The following TANC2 variants were observed in gnomAD, a reference collection of about 807,000 sequenced individuals.
TANC2 encodes the protein tetratricopeptide repeat, ankyrin repeat and coiled-coil containing 2.
TANC2 carries 26 observed loss-of-function variants against 210.5 expected under a neutral mutation model. The ratio of observed to expected loss-of-function variants is 0.12; its 90% CI spans 0.09 to 0.17. TANC2 has a LOEUF of 0.17. TANC2 is among the 10% of genes least tolerant of loss of function. The probability of loss-of-function intolerance (pLI) is 1.00; values close to 1 mark genes in which losing one functional copy is unlikely to be tolerated. For missense variants in TANC2, 2,129 were observed against 2,608.9 expected, an observed-to-expected ratio of 0.82 and a Z score of 4.01; for synonymous variants, 931 against 967.1, an observed-to-expected ratio of 0.96 and a Z score of 0.69.
chr17:63,318,673 G>A (rs374619082), intron 10 of TANC2, among the ~76,000 whole-genome samples: 3 of 151,958 alleles, frequency 2.0e-5, no homozygotes, highest in African/African-American at 4.8e-5. Flanking sequence ...AGCATGTATC[G>A]GTATCTCATT....
intron 1 of TANC2, among the ~76,000 whole-genome samples, chr17:62,971,337 T>C (rs1464103578): frequency 6.6e-6 from 1 of 152,138 alleles, no homozygotes; most frequent in Admixed American, 6.5e-5. Context: ...TTCCCTTTCT[T>C]TTCTCTTTTC....
At chr17:63,093,684 T>G (rs2037284748) in intron 3 of TANC2, among the ~76,000 whole-genome samples, 1 of 152,200 alleles carries the variant, frequency 6.6e-6, no homozygotes, top group Non-Finnish European at 1.5e-5. Context: ...TGGGATTGCT[T>G]CAAACCTGTA....
intron 14 of TANC2, among the ~76,000 whole-genome samples, chr17:63,356,623 A>G (rs1323220569): frequency 1.3e-5 from 2 of 152,188 alleles, no homozygotes; most frequent in Non-Finnish European, 2.9e-5. Flanking sequence ...ACTTTGTAGC[A>G]TTTTCTCTGA....
In TANC2 at chr17:63,375,648, T is replaced by C. The variant is rs182533828; in HGVS notation, c.2583-4070T>C. On this transcript the variant is annotated intron_variant, in intron 14 of 27. Coordinates refer to ENST00000689528, the Ensembl canonical transcript of TANC2. ...TCTTATACCAGGGAGGCTACAATAA[T>C]TTTACTGTTAAGAGCTGGACAGAAT... Among the ~76,000 whole-genome samples, 284 of 152,350 alleles carry C rather than the reference T, an allele frequency of 1.9e-3. 1 individual carries two copies. Among genetic ancestry groups the C allele is most frequent in the African/African-American group, 6.6e-3 (273 of 41,574 alleles).
intron 9 of TANC2, among the ~76,000 whole-genome samples, chr17:63,273,028 C>T (rs950219554): frequency 4.6e-5 from 7 of 152,058 alleles, no homozygotes; most frequent in African/African-American, 1.4e-4. Context: ...CCCTGTAATC[C>T]CAGCACCTTA....
At chr17:63,422,925 G>C (rs1430916238) in exon 28 of TANC2, 1 of 152,200 alleles carries the variant, frequency 6.6e-6, no homozygotes, top group East Asian at 1.9e-4. Context: ...CTAACCGAAG[G>C]CTGGCTGGTG....
At chr17:62,972,095 C>CT (rs893933083) in intron 1 of TANC2, among the ~76,000 whole-genome samples, 17 of 151,164 alleles carry the variant, frequency 1.1e-4, no homozygotes, top group African/African-American at 2.2e-4. Context: ...TTTCTGGGAC[C>CT]TTTTTTTTTC....
chr17:63,055,640 A>G (rs2035743734), intron 2 of TANC2, among the ~76,000 whole-genome samples: 1 of 146,452 alleles, frequency 6.8e-6, no homozygotes, highest in Non-Finnish European at 1.5e-5. Context: ...GTATTATGCA[A>G]ACATCTTCAC....
intron 19 of TANC2, among the ~76,000 whole-genome samples, chr17:63,400,950 G>T (rs1599039363): frequency 6.6e-6 from 1 of 151,954 alleles, no homozygotes; most frequent in East Asian, 1.9e-4. Flanking sequence ...ACCGTGCCTG[G>T]CTGTAATACA....
rs1207109123 is a variant in TANC2, at chr17:62,988,273, G to A, written c.-23-21264G>A. On this transcript the variant is annotated intron_variant, in intron 1 of 27. Transcript: ENST00000689528. ...CTGCCGAGTAGCTGGGATTACAGGC[G>A]TGCACCACCACACCTGGCTAACTTT... Among the ~76,000 whole-genome samples the A allele has an allele frequency of 5.3e-5, 8 of 149,578 alleles. No individual in the cohort carries two copies. In the East Asian group the frequency reaches 1.4e-3, roughly 26 times the overall value.
At chr17:63,351,184 A>G in intron 12 of TANC2, 66 bp from the exon 13 acceptor site, 3 of 1,372,504 alleles carry the variant, frequency 2.2e-6, no homozygotes, top group Non-Finnish European at 3.0e-6. Context: ...TATGTGATCA[A>G]AGATCCAGTA....
Position 63,413,648 on chromosome 17 carries a change from G to A in TANC2, c.4020+14G>A, listed in dbSNP as rs1599075335. On this transcript the variant is annotated intron_variant, in intron 25 of 27. Transcript: ENST00000689528. ...ATGTTTTATAAGGTGAGGGGAGGGAGGGACACAGTTTCTTCAGAACAGCCA... is the reference window on the plus strand; with the variant it reads ...ATGTTTTATAAGGTGAGGGGAGGGAAGGACACAGTTTCTTCAGAACAGCCA... 2 of 1,576,420 alleles carry A rather than the reference G, an allele frequency of 1.3e-6. No individual in the cohort carries two copies. The highest frequency in any genetic ancestry group is 1.7e-4 in the Middle Eastern group (1 of 6,018).
intron 9 of TANC2, among the ~76,000 whole-genome samples, chr17:63,283,909 G>A (rs2044141131): frequency 6.6e-6 from 1 of 151,790 alleles, no homozygotes; most frequent in Non-Finnish European, 1.5e-5. Flanking sequence ...TTTCTGCATA[G>A]ATGATCATGT....
At chr17:62,990,395 G>A (rs1568299612) in intron 1 of TANC2, among the ~76,000 whole-genome samples, 1 of 151,964 alleles carries the variant, frequency 6.6e-6, no homozygotes, top group Non-Finnish European at 1.5e-5. Context: ...TCCCACCTCA[G>A]CCTCCCAAGT....
intron 8 of TANC2, among the ~76,000 whole-genome samples, chr17:63,260,306 A>G (rs1416773902): frequency 6.6e-6 from 1 of 152,258 alleles, no homozygotes; most frequent in Non-Finnish European, 1.5e-5. Context: ...AAAGGCAGCT[A>G]GTAAGTATTT....
chr17:63,382,550 G>A (rs1391692908), intron 15 of TANC2, among the ~76,000 whole-genome samples: 1 of 152,058 alleles, frequency 6.6e-6, no homozygotes, highest in Admixed American at 6.6e-5. Context: ...ATAATTGCAT[G>A]TAATCAAATA....
intron 1 of TANC2, among the ~76,000 whole-genome samples, chr17:62,988,104 G>A (rs2081851706): frequency 6.6e-6 from 1 of 152,034 alleles, no homozygotes; most frequent in Admixed American, 6.6e-5. Flanking sequence ...AGATTACTCT[G>A]TTTTCAAGAT....
chr17:63,085,725 TAGC>T (rs1487792919), intron 3 of TANC2, among the ~76,000 whole-genome samples: 1 of 152,086 alleles, frequency 6.6e-6, no homozygotes, highest in African/African-American at 2.4e-5. Context: ...CATATACACA[TAGC>T]ACACACAAGC....
At chr17:63,371,962 T>C (rs771822676) in intron 14 of TANC2, among the ~76,000 whole-genome samples, 2 of 152,126 alleles carry the variant, frequency 1.3e-5, no homozygotes, top group African/African-American at 2.4e-5. Context: ...CAAATGAGAG[T>C]GCAAGTAGAA....
Sources: gnomAD v4.1 joint callset for allele counts (sites outside exome capture counted in the v4.1 genomes callset) on GRCh38, gnomAD v4.1.1 for gene constraint, MANE v1.5 for transcripts, NCBI Gene and HGNC (gene_info 2026-07-23, HGNC 2026-07-21) for gene names.